The following NOVA1 variants were observed in gnomAD, a reference collection of about 807,000 sequenced individuals.
The protein encoded by NOVA1 is RNA-binding protein Nova-1.
NOVA1 carries 7 observed loss-of-function variants against 38.0 expected under a neutral mutation model. That is an observed-to-expected ratio of 0.18 (90% CI 0.10 to 0.35). The LOEUF is 0.35. NOVA1 is among the 10% of genes least tolerant of loss of function. NOVA1 has a pLI of 1.00. For missense variants in NOVA1, 460 were observed against 616.0 expected (o/e 0.75, Z 2.68); for synonymous variants, 270 against 232.5 (o/e 1.16, Z -1.47).
chr14:26,583,555 C>T (rs191816180), intron 2 of NOVA1, among the ~76,000 whole-genome samples: 1 of 151,608 alleles, frequency 6.6e-6, no homozygotes, highest in East Asian at 1.9e-4. Flanking sequence ...TGTTTCTCTA[C>T]ACAAGTAGCC....
At chr14:26,479,096 T>C (rs1371555146) in intron 3 of NOVA1, 2 of 151,986 alleles carry the variant, frequency 1.3e-5, no homozygotes, top group African/African-American at 4.8e-5. Context: ...AACATGAGTA[T>C]TCTGTAAATT....
intron 2 of NOVA1, among the ~76,000 whole-genome samples, chr14:26,532,576 G>A (rs1203950599): frequency 1.3e-5 from 2 of 152,172 alleles, no homozygotes; most frequent in African/African-American, 4.8e-5. Context: ...GGTCTGGCAA[G>A]GGGCACAATG....
In NOVA1 at chr14:26,448,678, C is replaced by T. The variant is rs1882338965; in HGVS notation, c.805G>A (p.Gly269Arg). ...TCAGCAGTGTTTGCATAAGGAGATC[C>T]GGTTGGATTGGAATTTGCCACTGGA... ...TGPVANSNPT[G>R]SPYANTAEVL... Residue 269 changes from glycine (G) to arginine (R), a missense_variant, in exon 5 of 5, where the codon GGA becomes AGA. Transcript: ENST00000539517. This position sits in a 1 kb window ranked among gnomAD's most constrained non-coding sequence, Gnocchi z 5.3. 2 of 1,614,150 alleles carry T rather than the reference C, an allele frequency of 1.2e-6. No homozygotes were observed. The highest frequency in any genetic ancestry group is 8.5e-7 in the Non-Finnish European group (1 of 1,180,026).
intron 2 of NOVA1, among the ~76,000 whole-genome samples, chr14:26,579,472 A>G (rs1893077022): frequency 6.6e-6 from 1 of 152,216 alleles, no homozygotes; most frequent in Non-Finnish European, 1.5e-5. Context: ...GTATAATCTT[A>G]TTAAATTTAT....
At chr14:26,524,427 T>A (rs1209086567) in intron 2 of NOVA1, among the ~76,000 whole-genome samples, 1 of 152,126 alleles carries the variant, frequency 6.6e-6, no homozygotes, top group Non-Finnish European at 1.5e-5. Flanking sequence ...GACAAATGGC[T>A]CAAATGATAT....
intron 2 of NOVA1, among the ~76,000 whole-genome samples, chr14:26,500,699 A>G (rs1163645693): frequency 1.3e-5 from 2 of 152,036 alleles, no homozygotes; most frequent in African/African-American, 2.4e-5. Flanking sequence ...TATCACTTCA[A>G]GAAAATTTAG....
At chr14:26,564,566 A>T (rs28550231) in intron 2 of NOVA1, among the ~76,000 whole-genome samples, 3,234 of 152,274 alleles carry the variant, frequency 0.021, 111 homozygotes, top group African/African-American at 0.074. Context: ...AAGGTTTTAC[A>T]TACACCATCA....
chr14:26,581,612 G>A (rs1303404756), intron 2 of NOVA1, among the ~76,000 whole-genome samples: 1 of 151,852 alleles, frequency 6.6e-6, no homozygotes, highest in Non-Finnish European at 1.5e-5. Context: ...ATGTTTCCAT[G>A]TTGCTTAGTT....
intron 4 of NOVA1, among the ~76,000 whole-genome samples, chr14:26,459,815 C>T (rs1594332333): frequency 6.6e-6 from 1 of 151,948 alleles, no homozygotes. Flanking sequence ...AATCCATCTC[C>T]ATTTAAACTT....
chr14:26,551,020 C>A (rs902868197), intron 2 of NOVA1, among the ~76,000 whole-genome samples: 2 of 151,902 alleles, frequency 1.3e-5, no homozygotes, highest in African/African-American at 4.8e-5. Context: ...CTAGAGTCCA[C>A]ATATGAAATT....
intron 4 of NOVA1, among the ~76,000 whole-genome samples, chr14:26,469,353 A>G (rs1384097398): frequency 6.6e-6 from 1 of 152,238 alleles, no homozygotes; most frequent in Admixed American, 6.5e-5. Context: ...AGAGTTGAAA[A>G]AACAGCCAAT....
intron 3 of NOVA1, chr14:26,479,250 G>A (rs894390424): frequency 4.6e-5 from 7 of 152,058 alleles, no homozygotes; most frequent in South Asian, 2.1e-4. Context: ...ATTTATAGAC[G>A]TAAAAGAGTT....
chr14:26,452,317 A>C (rs957174236), intron 4 of NOVA1, among the ~76,000 whole-genome samples: 1 of 152,210 alleles, frequency 6.6e-6, no homozygotes, highest in Non-Finnish European at 1.5e-5. Context: ...AATTCAGTTA[A>C]ATAACATTAC....
intron 2 of NOVA1, among the ~76,000 whole-genome samples, chr14:26,587,264 T>C (rs1893573294): frequency 6.8e-6 from 1 of 148,076 alleles, no homozygotes; most frequent in Admixed American, 6.8e-5. Context: ...CTCTTAGCTA[T>C]TCCTAAGTGT....
chr14:26,562,773 T>C (rs1291526867), intron 2 of NOVA1, among the ~76,000 whole-genome samples: 3 of 152,112 alleles, frequency 2.0e-5, no homozygotes, highest in African/African-American at 4.8e-5. Context: ...TTTTGGCACA[T>C]AGGTTTACTA....
At chr14:26,456,958 A>T (rs1566435995) in intron 4 of NOVA1, among the ~76,000 whole-genome samples, 1 of 146,790 alleles carries the variant, frequency 6.8e-6, no homozygotes, top group Admixed American at 6.8e-5. Flanking sequence ...CACACACACA[A>T]ATATATACAC....
intron 2 of NOVA1, among the ~76,000 whole-genome samples, chr14:26,491,021 T>C (rs1886300286): frequency 6.6e-6 from 1 of 151,926 alleles, no homozygotes; most frequent in Non-Finnish European, 1.5e-5. Flanking sequence ...GGATAATTTT[T>C]TTGTATTTTT....
chr14:26,460,830 T>A (rs561523072), intron 4 of NOVA1, among the ~76,000 whole-genome samples: 4 of 152,172 alleles, frequency 2.6e-5, no homozygotes, highest in African/African-American at 9.6e-5. Context: ...TTTAAAAAAA[T>A]TAAAATGTTT....
At chr14:26,544,328 A>G (rs138764809) in intron 2 of NOVA1, among the ~76,000 whole-genome samples, 180 of 152,116 alleles carry the variant, frequency 1.2e-3, no homozygotes, top group Non-Finnish European at 2.0e-3. Flanking sequence ...AAATACTAGA[A>G]GTCTTTGATG....
Sources: allele counts gnomAD v4.1 joint callset (sites outside exome capture counted in the v4.1 genomes callset), GRCh38; gene constraint gnomAD v4.1.1; non-coding constraint Gnocchi (gnomAD v3.1); transcripts MANE v1.5; gene names NCBI Gene and HGNC (gene_info 2026-07-23, HGNC 2026-07-21).